Variants in LRMDA observed in about 807,000 individuals in gnomAD.
LRMDA encodes the protein leucine rich melanocyte differentiation associated, also known as leucine-rich melanocyte differentiation-associated protein.
A neutral mutation model predicts 29.8 loss-of-function variants in LRMDA; 18 were observed. That is an observed-to-expected ratio of 0.60 (90% CI 0.42 to 0.90). The LOEUF (loss-of-function observed/expected upper bound fraction) is 0.90. Ranked by LOEUF, LRMDA falls within the 40% of genes least tolerant of loss-of-function variation. LRMDA has a pLI of 0.00. For synonymous variants in LRMDA, 125 were observed against 109.4 expected (o/e 1.14, Z -0.89); for missense variants, 273 against 273.9 (o/e 1.00, Z 0.02).
Position 75,772,751 on chromosome 10 carries a change from CCTGTCATTT to C in LRMDA, c.132-263254_132-263246del, listed in dbSNP as rs1843257341. Among the ~76,000 whole-genome samples, 7 of 151,236 alleles carry C rather than the reference CCTGTCATTT, an allele frequency of 4.6e-5. No homozygotes were observed. The South Asian group carries it at 1.5e-3, about 32-fold the overall frequency. ...TACAAAATGTACTGGCTTTCAATAT[CCTGTCATTT>C]CTAGTTAGGTTTAGGTATATATTGG... On this transcript the variant is annotated intron_variant, in intron 2 of 6. Transcript: ENST00000611255.
intron 2 of LRMDA, among the ~76,000 whole-genome samples, chr10:75,925,504 T>C (rs1313497881): frequency 7.9e-6 from 1 of 127,140 alleles, no homozygotes; most frequent in African/African-American, 3.0e-5. Context: ...TCCAAATTCT[T>C]GAACTGCATA....
rs556421969 is a variant in LRMDA, at chr10:75,704,018, A to G, written c.131+265524A>G. Among the ~76,000 whole-genome samples the G allele has an allele frequency of 2.0e-5, 3 of 152,356 alleles. No homozygotes were observed. In the East Asian group the frequency reaches 5.8e-4, roughly 29 times the overall value. Reference sequence around the variant, plus strand: ...CCGACGCTTGCTATATTGGGTAATAAGTTATTCAAATAAAAACATTAGCAA... The same window carrying G: ...CCGACGCTTGCTATATTGGGTAATAGGTTATTCAAATAAAAACATTAGCAA... On this transcript the variant is annotated intron_variant, in intron 2 of 6. Coordinates refer to ENST00000611255, the MANE Select transcript of LRMDA (RefSeq NM_001305581.2).
intron 5 of LRMDA, among the ~76,000 whole-genome samples, chr10:76,179,011 C>A (rs1850992524): frequency 6.6e-6 from 1 of 152,174 alleles, no homozygotes; most frequent in Non-Finnish European, 1.5e-5. Context: ...GCTTCTTGAG[C>A]CCAGCAACAG....
intron 6 of LRMDA, among the ~76,000 whole-genome samples, chr10:76,448,360 T>G (rs1273423775): frequency 6.6e-6 from 1 of 152,090 alleles, no homozygotes; most frequent in Non-Finnish European, 1.5e-5. Flanking sequence ...TCATCCAAAT[T>G]TTAATATCTC....
chr10:75,877,752 ACT>A (rs1325746357), intron 2 of LRMDA, among the ~76,000 whole-genome samples: 2 of 152,062 alleles, frequency 1.3e-5, no homozygotes, highest in Non-Finnish European at 2.9e-5. Flanking sequence ...AGATAGTGAG[ACT>A]CTCTTGAAGG....
rs147449309 is a variant in LRMDA, at chr10:76,380,613, G to C, written c.601+56128G>C. On this transcript the variant is annotated intron_variant, in intron 6 of 6. Coordinates refer to ENST00000611255, the MANE Select transcript of LRMDA (RefSeq NM_001305581.2). ...AAACCCAGGAGGTGGAGCTTGCAGT[G>C]AGCCGAGATTGCACCACTGCACTCC... 3.6e-3 allele frequency among the ~76,000 whole-genome samples: 539 copies of C among 147,954 alleles called. 1 individual carries two copies. The highest frequency in any genetic ancestry group is 0.013 in the African/African-American group (522 of 39,826).
intron 5 of LRMDA, among the ~76,000 whole-genome samples, chr10:76,133,115 C>T (rs1198085124): frequency 6.6e-6 from 1 of 151,850 alleles, no homozygotes; most frequent in Non-Finnish European, 1.5e-5. Flanking sequence ...GCCACTGAGC[C>T]CGGCCAACAA....
rs767210539 is a variant in LRMDA, at chr10:76,423,894, T to A, written c.601+99409T>A. 6.4e-4 allele frequency among the ~76,000 whole-genome samples: 97 copies of A among 152,056 alleles called. 1 individual carries two copies. The highest frequency in any genetic ancestry group is 1.2e-3 in the Non-Finnish European group (79 of 68,016). On this transcript the variant is annotated intron_variant, in intron 6 of 6. Coordinates refer to ENST00000611255, the MANE Select transcript of LRMDA (RefSeq NM_001305581.2). ...AGGCCCCAAGGGGTGAGGGGAGGTG[T>A]CCATGGTTACTAGACCTGGGGGTCT...
chr10:76,276,362 T>G (rs1840135588), intron 5 of LRMDA, among the ~76,000 whole-genome samples: 1 of 152,020 alleles, frequency 6.6e-6, no homozygotes, highest in South Asian at 2.1e-4. Flanking sequence ...CAGACTGGTC[T>G]CAAGCCCCTG....
chr10:76,017,530 C>T (rs751266975), intron 2 of LRMDA, among the ~76,000 whole-genome samples: 1 of 152,188 alleles, frequency 6.6e-6, no homozygotes, highest in African/African-American at 2.4e-5. Flanking sequence ...TCTGCTACAC[C>T]TCATGTTCTG....
Position 76,033,733 on chromosome 10 carries a change from C to T in LRMDA, c.132-2275C>T, listed in dbSNP as rs868565160. ...GAATTATTAACCACCCGTAAGGCTC[C>T]CTAAGGGGAAGTGGCCTCACCTCCC... On this transcript the variant is annotated intron_variant, in intron 2 of 6. Transcript: ENST00000611255. Among the ~76,000 whole-genome samples the T allele has an allele frequency of 5.3e-5, 8 of 152,256 alleles. 1 individual carries two copies. In the Middle Eastern group the frequency reaches 0.014, roughly 259 times the overall value.
At chr10:75,686,028 G>A (rs1276286282) in intron 2 of LRMDA, among the ~76,000 whole-genome samples, 2 of 152,170 alleles carry the variant, frequency 1.3e-5, no homozygotes, top group Non-Finnish European at 2.9e-5. Flanking sequence ...GAAGGAATTT[G>A]TTCAAGGTCA....
intron 2 of LRMDA, among the ~76,000 whole-genome samples, chr10:75,474,966 C>T (rs1844772662): frequency 6.6e-6 from 1 of 152,160 alleles, no homozygotes; most frequent in Admixed American, 6.5e-5. Flanking sequence ...CACTGTCTGC[C>T]CACCATACTC....
chr10:75,665,015 G>A (rs1841803647), intron 2 of LRMDA, among the ~76,000 whole-genome samples: 1 of 152,120 alleles, frequency 6.6e-6, no homozygotes, highest in African/African-American at 2.4e-5. Context: ...GACTTTCCCT[G>A]GCCCATCCAA....
At chr10:75,772,872 G>C (rs895139030) in intron 2 of LRMDA, among the ~76,000 whole-genome samples, 3 of 127,842 alleles carry the variant, frequency 2.3e-5, no homozygotes, top group Non-Finnish European at 5.0e-5. Context: ...GGTGGGATGG[G>C]GGGGGGCAGA....
At chr10:76,305,380 C>T (rs546173077) in intron 5 of LRMDA, among the ~76,000 whole-genome samples, 1 of 152,196 alleles carries the variant, frequency 6.6e-6, no homozygotes, top group African/African-American at 2.4e-5. Flanking sequence ...GGAAAGTAAC[C>T]TCAAAACATC....
chr10:75,598,346 C>T (rs1461639437), intron 2 of LRMDA, among the ~76,000 whole-genome samples: 3 of 152,082 alleles, frequency 2.0e-5, no homozygotes, highest in Non-Finnish European at 4.4e-5. Context: ...CGCTAATAAA[C>T]ACAATATTAA....
chr10:76,078,652 G>A (rs1484791155), intron 5 of LRMDA, among the ~76,000 whole-genome samples: 3 of 151,924 alleles, frequency 2.0e-5, no homozygotes, highest in East Asian at 2.0e-4. Context: ...TGGCTAACAC[G>A]GTGAAACCCC....
intron 2 of LRMDA, among the ~76,000 whole-genome samples, chr10:75,495,795 C>T (rs1428363606): frequency 6.6e-6 from 1 of 152,218 alleles, no homozygotes; most frequent in African/African-American, 2.4e-5. Flanking sequence ...AAGGCAATGC[C>T]TCGGGGTGGC....
Sources: gnomAD v4.1 joint callset for allele counts (sites outside exome capture counted in the v4.1 genomes callset) on GRCh38, gnomAD v4.1.1 for gene constraint, MANE v1.5 for transcripts, NCBI Gene and HGNC (gene_info 2026-07-23, HGNC 2026-07-21) for gene names.